ANGPT2: variants seen among roughly 807,000 people sequenced by gnomAD.
ANGPT2 encodes the protein angiopoietin 2, also known as angiopoietin-2.
In ANGPT2, 28 loss-of-function variants were observed where a neutral mutation model predicts 62.9. The ratio of observed to expected loss-of-function variants is 0.44; its 90% CI spans 0.33 to 0.61. The LOEUF is 0.61. Among genes scored for constraint, ANGPT2 ranks in the 20% least tolerant of loss-of-function variants. The pLI is 0.03. For missense variants in ANGPT2, 727 were observed against 594.9 expected, an observed-to-expected ratio of 1.22 and a Z score of -2.31; for synonymous variants, 284 against 207.8, an observed-to-expected ratio of 1.37 and a Z score of -3.15.
At chr8:6,534,348 G>A (rs1162287266) in intron 1 of ANGPT2, among the ~76,000 whole-genome samples, 1 of 152,004 alleles carries the variant, frequency 6.6e-6, no homozygotes, top group Non-Finnish European at 1.5e-5. Flanking sequence ...ATGTGTATAG[G>A]TTATATGCAG....
intron 7 of ANGPT2, 36 bp downstream of exon 7, chr8:6,513,642 T>C: frequency 1.3e-6 from 2 of 1,582,128 alleles, no homozygotes; most frequent in South Asian, 2.3e-5. Flanking sequence ...CACAAATCTT[T>C]TAATTTTTTC....
chr8:6,549,503 G>A (rs1823217296), intron 1 of ANGPT2, among the ~76,000 whole-genome samples: 1 of 152,016 alleles, frequency 6.6e-6, no homozygotes, highest in African/African-American at 2.4e-5. Context: ...GAAGCCTTCT[G>A]TATCTTGAGC....
chr8:6,503,333 C>A, intron 8 of ANGPT2, 72 bp from the exon 9 acceptor site: 1 of 1,541,418 alleles, frequency 6.5e-7, no homozygotes, highest in South Asian at 1.2e-5. Context: ...CAGCAATACT[C>A]AGCTAAGGCA....
intron 1 of ANGPT2, among the ~76,000 whole-genome samples, chr8:6,558,113 TGTCATTTTTGG>T (rs1283087561): frequency 6.6e-6 from 1 of 152,196 alleles, no homozygotes; most frequent in Admixed American, 6.5e-5. Context: ...CCTCTCGTCA[TGTCATTTTTGG>T]GCCAGGAAAG....
chr8:6,554,042 G>C (rs1171550071), intron 1 of ANGPT2, among the ~76,000 whole-genome samples: 1 of 151,166 alleles, frequency 6.6e-6, no homozygotes, highest in Non-Finnish European at 1.5e-5. Flanking sequence ...AAATTTGCCG[G>C]AACAGTCATA....
chr8:6,542,734 G>A (rs761808133), intron 1 of ANGPT2, among the ~76,000 whole-genome samples: 5 of 152,054 alleles, frequency 3.3e-5, no homozygotes, highest in Non-Finnish European at 7.4e-5. Flanking sequence ...TGTTACATGG[G>A]TTTGCCAAAA....
At chr8:6,528,804 C>A (rs144637336) in intron 2 of ANGPT2, among the ~76,000 whole-genome samples, 102 of 152,340 alleles carry the variant, frequency 6.7e-4, no homozygotes, top group African/African-American at 2.1e-3. Flanking sequence ...GTCTTTATGT[C>A]ATTTGCAGGA....
chr8:6,537,588 G>C (rs1820741679), intron 1 of ANGPT2, among the ~76,000 whole-genome samples: 2 of 151,186 alleles, frequency 1.3e-5, no homozygotes, highest in African/African-American at 4.9e-5. Flanking sequence ...ATATATTTTA[G>C]TGCAAAATAT....
chr8:6,519,477 A>G (rs545472766), intron 5 of ANGPT2, among the ~76,000 whole-genome samples: 43 of 152,364 alleles, frequency 2.8e-4, no homozygotes, highest in African/African-American at 1.0e-3. Flanking sequence ...TATTAATTTC[A>G]TGACACCTCT....
At chr8:6,541,656 T>C (rs922344000) in intron 1 of ANGPT2, among the ~76,000 whole-genome samples, 26 of 152,216 alleles carry the variant, frequency 1.7e-4, no homozygotes, top group African/African-American at 6.3e-4. Flanking sequence ...ATAGTAGTGA[T>C]GTTTTCCCTA....
chr8:6,500,025 A>C lies in ANGPT2; in HGVS notation c.*3076T>G, dbSNP rs1432307371. ...GTGGACTTAAGTTTTTATCCAGTCAAGCACAATTATGCCCATAATTAAAAA... is the reference window on the plus strand; with the variant it reads ...GTGGACTTAAGTTTTTATCCAGTCACGCACAATTATGCCCATAATTAAAAA... On this transcript the variant is annotated 3_prime_UTR_variant, in exon 9 of 9. Coordinates refer to ENST00000629816, the MANE Select transcript of ANGPT2 (RefSeq NM_001118887.2). The C allele has an allele frequency of 9.9e-7, 1 of 1,006,796 alleles. No individual in the cohort carries two copies. 62.4% of individuals were successfully genotyped at this position (1,006,796 alleles called of 1,614,324 possible). A position where few individuals can be genotyped will look rare whatever the true frequency, so the allele number is the denominator to read the frequency against.
At chr8:6,511,367 A>C (rs1385779664) in intron 7 of ANGPT2, among the ~76,000 whole-genome samples, 1 of 152,168 alleles carries the variant, frequency 6.6e-6, no homozygotes, top group Non-Finnish European at 1.5e-5. Flanking sequence ...CATCAACATT[A>C]ACAATTAAAC....
At chr8:6,548,101 T>A (rs1353922082) in intron 1 of ANGPT2, among the ~76,000 whole-genome samples, 1 of 152,174 alleles carries the variant, frequency 6.6e-6, no homozygotes, top group African/African-American at 2.4e-5. Flanking sequence ...AGAACCTACA[T>A]TGGAGTTTTG....
chr8:6,523,580 G>GGTTTTTT (rs111796397), intron 3 of ANGPT2, among the ~76,000 whole-genome samples: 11,323 of 151,882 alleles, frequency 0.075, 514 homozygotes, highest in African/African-American at 0.12. Flanking sequence ...TATTTGGCAG[G>GGTTTTTT]GTTTTTTGTT....
chr8:6,542,184 A>T (rs1821715871), intron 1 of ANGPT2, among the ~76,000 whole-genome samples: 1 of 152,206 alleles, frequency 6.6e-6, no homozygotes, highest in Non-Finnish European at 1.5e-5. Context: ...AGAAAAAATA[A>T]TAATAATGTA....
chr8:6,505,582 T>A lies in ANGPT2; in HGVS notation c.1328-2321A>T, dbSNP rs1188252188. 2.5e-5 allele frequency among the ~76,000 whole-genome samples: 3 copies of A among 120,692 alleles called. No homozygotes were observed. In the East Asian group the frequency reaches 6.9e-4, roughly 28 times the overall value. 79.2% of individuals were successfully genotyped at this position (120,692 alleles called of 152,430 possible). A position where few individuals can be genotyped will look rare whatever the true frequency, so the allele number is the denominator to read the frequency against. ...ATATATGTATATATAGAATGTATAT[T>A]CTTTTTGTATATATGGAATATATAT... On this transcript the variant is annotated intron_variant, in intron 8 of 8. Transcript: ENST00000629816.
At chr8:6,527,911 T>C (rs1818665041) in intron 2 of ANGPT2, among the ~76,000 whole-genome samples, 1 of 151,536 alleles carries the variant, frequency 6.6e-6, no homozygotes. Context: ...TTTTTTTTTT[T>C]TTGAGATGGA....
At position 6,500,641 on chromosome 8, in the gene ANGPT2, G is replaced by C. The variant is rs1296327147; in HGVS notation, c.*2460C>G. On this transcript the variant is annotated 3_prime_UTR_variant, in exon 9 of 9. Coordinates refer to ENST00000629816, the MANE Select transcript of ANGPT2 (RefSeq NM_001118887.2). ...GCTCCCTGATCACTGTAGTTATCTAGGTTGTTGGGTTGTTTTGTTTTCATT... is the reference window on the plus strand; with the variant it reads ...GCTCCCTGATCACTGTAGTTATCTACGTTGTTGGGTTGTTTTGTTTTCATT... The C allele has an allele frequency of 6.6e-6, 1 of 152,136 alleles. No individual in the cohort carries two copies. Among genetic ancestry groups the C allele is most frequent in the African/African-American group, 2.4e-5 (1 of 41,426 alleles). The allele number at this position is 152,136 out of a possible 1,614,324, so 9.4% of individuals were successfully genotyped here. A position where few individuals can be genotyped will look rare whatever the true frequency, so the allele number is the denominator to read the frequency against.
chr8:6,538,525 G>T (rs1198421161), intron 1 of ANGPT2, among the ~76,000 whole-genome samples: 1 of 152,254 alleles, frequency 6.6e-6, no homozygotes, highest in East Asian at 1.9e-4. Flanking sequence ...CCCTGATCTT[G>T]TGGGCCTCAG....
Sources: allele counts gnomAD v4.1 joint callset (sites outside exome capture counted in the v4.1 genomes callset), GRCh38; gene constraint gnomAD v4.1.1; transcripts MANE v1.5; gene names NCBI Gene and HGNC (gene_info 2026-07-23, HGNC 2026-07-21).